The following SCN9A variants were observed in gnomAD, a reference collection of about 807,000 sequenced individuals.
SCN9A encodes sodium channel protein type 9 subunit alpha.
Under a neutral mutation model 187.0 loss-of-function variants are expected in SCN9A, and 131 were observed. That is an observed-to-expected ratio of 0.70 (90% CI 0.61 to 0.81). The LOEUF (loss-of-function observed/expected upper bound fraction) is 0.81, where lower values mean the gene tolerates loss of function less well. Ranked by LOEUF, SCN9A falls within the 30% of genes least tolerant of loss-of-function variation. The pLI is 0.00. For synonymous variants in SCN9A, 809 were observed against 808.6 expected (o/e 1.00, Z -0.01); for missense variants, 2,252 against 2,396.6 (o/e 0.94, Z 1.26).
chr2:166,237,966 A>G (rs1695394892), intron 20 of SCN9A, 128 bp downstream of exon 20: 6 of 615,918 alleles, frequency 9.7e-6, no homozygotes, highest in Middle Eastern at 4.4e-4. Flanking sequence ...AAAAGAATAA[A>G]CCTATAGCCT....
intron 24 of SCN9A, among the ~76,000 whole-genome samples, chr2:166,215,229 C>T (rs1694280234): frequency 1.3e-5 from 2 of 151,976 alleles, no homozygotes; most frequent in Middle Eastern, 3.4e-3. Flanking sequence ...TACGGAAAAA[C>T]AGAAAATATT....
intron 1 of SCN9A, among the ~76,000 whole-genome samples, chr2:166,328,200 G>A (rs1449654892): frequency 6.6e-6 from 1 of 152,124 alleles, no homozygotes; most frequent in Admixed American, 6.6e-5. Flanking sequence ...TGGTTACATG[G>A]TTTGTTTCGT....
At chr2:166,372,081 A>AGTGT (rs138962140) in intron 1 of SCN9A, among the ~76,000 whole-genome samples, 5,116 of 150,464 alleles carry the variant, frequency 0.034, 111 homozygotes, top group East Asian at 0.089. Context: ...CACCATACAA[A>AGTGT]GTGTGTGTGT....
intron 1 of SCN9A, among the ~76,000 whole-genome samples, chr2:166,367,959 G>A (rs1462404084): frequency 6.6e-6 from 1 of 152,100 alleles, no homozygotes. Flanking sequence ...ATGTTTGATT[G>A]CAAATGTAAT....
Position 166,237,786 on chromosome 2 carries a change from A to G in SCN9A, c.3801+308T>C, listed in dbSNP as rs960779610. ...TTCTAAATTTTGTTTTATTCTTAAC[A>G]AGAATGACATTCAAATCATATTTTT... On this transcript the variant is annotated intron_variant, in intron 20 of 26. Coordinates refer to ENST00000642356, the MANE Select transcript of SCN9A (RefSeq NM_001365536.1). Among the ~76,000 whole-genome samples the G allele has an allele frequency of 3.9e-5, 6 of 152,164 alleles. No individual in the cohort carries two copies. The East Asian group carries it at 5.8e-4, about 15-fold the overall frequency.
At chr2:166,323,763 CT>C (rs1699299025) in intron 1 of SCN9A, among the ~76,000 whole-genome samples, 1 of 148,792 alleles carries the variant, frequency 6.7e-6, no homozygotes, top group Non-Finnish European at 1.5e-5. Context: ...ATATGTTGTG[CT>C]TTTGTAATAA....
At chr2:166,273,579 T>C (rs1309916384) in intron 16 of SCN9A, among the ~76,000 whole-genome samples, 2 of 152,174 alleles carry the variant, frequency 1.3e-5, no homozygotes, top group East Asian at 1.9e-4. Context: ...GGACAATTTC[T>C]ATTCTCTTGA....
chr2:166,257,713 A>G (rs1252214473), intron 17 of SCN9A, among the ~76,000 whole-genome samples: 1 of 151,520 alleles, frequency 6.6e-6, no homozygotes, highest in Non-Finnish European at 1.5e-5. Context: ...ATATGTTTAT[A>G]TGTCTATGCA....
rs187410330 is a variant in SCN9A at position 166,318,272 on chromosome 2, A to G, written c.-50-6466T>C. On this transcript the variant is annotated intron_variant, in intron 1 of 26. Transcript: ENST00000642356. Reference sequence around the variant, plus strand: ...AATGTAGCCTGCCTGTCAGTACACCATACATGTATATACACAGACCTTTCA... The same window carrying G: ...AATGTAGCCTGCCTGTCAGTACACCGTACATGTATATACACAGACCTTTCA... 5.2e-3 allele frequency among the ~76,000 whole-genome samples: 789 copies of G among 152,182 alleles called. 9 individuals carry two copies. Among genetic ancestry groups the G allele is most frequent in the African/African-American group, 0.018 (727 of 41,528 alleles).
Position 166,301,161 on chromosome 2 carries a change from G to A in SCN9A, c.901+1929C>T, listed in dbSNP as rs186278474. ...GCAAAAAAAAAAAAAAATACATGAA[G>A]CAATTCCAGAAAGCGATGAATTAAA... is the stretch of plus-strand genomic sequence containing the variant. On this transcript the variant is annotated intron_variant, in intron 7 of 26. Coordinates refer to ENST00000642356, the MANE Select transcript of SCN9A (RefSeq NM_001365536.1). The A allele has an allele frequency of 2.1e-5, 3 of 144,392 alleles. No homozygotes were observed. The East Asian group carries it at 6.0e-4, about 29-fold the overall frequency. The allele number at this position is 144,392 out of a possible 1,614,324, so 8.9% of individuals were successfully genotyped here. A position where few individuals can be genotyped will look rare whatever the true frequency, so the allele number is the denominator to read the frequency against.
intron 1 of SCN9A, among the ~76,000 whole-genome samples, chr2:166,337,453 C>T (rs1037481629): frequency 1.3e-5 from 2 of 152,036 alleles, no homozygotes; most frequent in Non-Finnish European, 2.9e-5. Flanking sequence ...TTTGGAGACA[C>T]CAGCATATAA....
intron 24 of SCN9A, chr2:166,205,366 C>T (rs1248496857): frequency 6.6e-6 from 1 of 152,174 alleles, no homozygotes; most frequent in Non-Finnish European, 1.5e-5. Context: ...TACACATCTA[C>T]AACCATCTGA....
chr2:166,317,101 A>T (rs1259662964), intron 1 of SCN9A, among the ~76,000 whole-genome samples: 1 of 151,942 alleles, frequency 6.6e-6, no homozygotes, highest in Non-Finnish European at 1.5e-5. Context: ...ATTTAAATAC[A>T]CAATGCATTT....
chr2:166,263,086 A>AG (rs1558991518), intron 17 of SCN9A, among the ~76,000 whole-genome samples: 1 of 151,968 alleles, frequency 6.6e-6, no homozygotes, highest in Non-Finnish European at 1.5e-5. Context: ...TCCCCTGGAA[A>AG]GGTAAAGGGA....
chr2:166,354,625 G>A lies in SCN9A; in HGVS notation c.-51+21072C>T, dbSNP rs1231276512. ...CAAATCTTTGAACATCCAACAAAGC[G>A]ATCAAGTATTTAATTGTTTTAGAAA... On this transcript the variant is annotated intron_variant, in intron 1 of 26. Coordinates refer to ENST00000642356, the MANE Select transcript of SCN9A (RefSeq NM_001365536.1). 2.0e-5 allele frequency among the ~76,000 whole-genome samples: 3 copies of A among 152,126 alleles called. No individual in the cohort carries two copies. In the East Asian group the frequency reaches 5.8e-4, roughly 29 times the overall value.
At chr2:166,261,797 T>A (rs1325065047) in intron 17 of SCN9A, among the ~76,000 whole-genome samples, 1 of 151,992 alleles carries the variant, frequency 6.6e-6, no homozygotes, top group Non-Finnish European at 1.5e-5. Flanking sequence ...TGTACCTTGG[T>A]GTGGCAGTAA....
At chr2:166,360,766 C>CTAAA (rs1331510253) in intron 1 of SCN9A, among the ~76,000 whole-genome samples, 5 of 152,098 alleles carry the variant, frequency 3.3e-5, no homozygotes, top group African/African-American at 1.2e-4. Context: ...AGTGCCTAGG[C>CTAAA]TAAATAAATA....
chr2:166,320,267 G>C (rs1699205270), intron 1 of SCN9A, among the ~76,000 whole-genome samples: 1 of 152,060 alleles, frequency 6.6e-6, no homozygotes, highest in Non-Finnish European at 1.5e-5. Context: ...TTATTATTAT[G>C]ATTAAAAAGC....
Position 166,199,882 on chromosome 2 carries a change from T to A in SCN9A, c.4775-18A>T. The A allele has an allele frequency of 6.6e-7, 1 of 1,504,232 alleles. No homozygotes were observed. Among genetic ancestry groups the A allele is most frequent in the Non-Finnish European group, 9.0e-7 (1 of 1,109,748 alleles). 93.2% of individuals were successfully genotyped at this position (1,504,232 alleles called of 1,614,324 possible). A position where few individuals can be genotyped will look rare whatever the true frequency, so the allele number is the denominator to read the frequency against. On this transcript the variant is annotated intron_variant, in intron 26 of 26. Transcript: ENST00000642356. ...AAACATACCTGTATGTGGAGGAAAA[T>A]AATAGAAATAAAATATTTAAAGATG...
Sources: allele counts gnomAD v4.1 joint callset (sites outside exome capture counted in the v4.1 genomes callset), GRCh38; gene constraint gnomAD v4.1.1; transcripts MANE v1.5; gene names NCBI Gene and HGNC (gene_info 2026-07-23, HGNC 2026-07-21).